The following SGCA variants were observed in gnomAD, a reference collection of about 807,000 sequenced individuals.
SGCA encodes the protein sarcoglycan alpha.
Under a neutral mutation model 38.1 loss-of-function variants are expected in SGCA, and 34 were observed. The observed-to-expected ratio is 0.89, with a 90% CI of 0.68 to 1.19. The LOEUF (loss-of-function observed/expected upper bound fraction) is 1.19. Ranked by LOEUF, SGCA falls within the 50% of genes most tolerant of loss-of-function variation. The probability of loss-of-function intolerance (pLI) is 0.00; values close to 1 mark genes in which losing one functional copy is unlikely to be tolerated. For missense variants in SGCA, 476 were observed against 524.9 expected (o/e 0.91, Z 0.91); for synonymous variants, 209 against 214.6 (o/e 0.97, Z 0.23).
At chr17:50,169,936 G>A (rs1905237068) in intron 6 of SGCA, 8 of 630,324 alleles carry the variant, frequency 1.3e-5, no homozygotes, top group Non-Finnish European at 2.3e-5. Context: ...ATGAAACAGA[G>A]GCACATAATC....
intron 8 of SGCA, chr17:50,171,333 C>G: frequency 2.8e-6 from 1 of 356,662 alleles, no homozygotes; most frequent in South Asian, 2.1e-5. Context: ...CTTATTTTGG[C>G]CTGGTTTCCC....
intron 8 of SGCA, chr17:50,171,409 A>G (rs1416993512): frequency 4.7e-6 from 2 of 425,970 alleles, no homozygotes; most frequent in Non-Finnish European, 4.7e-6. Context: ...CCTGAACCCT[A>G]GATTCCAGGA....
At chr17:50,174,761 T>C (rs2440124) in intron 8 of SGCA, among the ~76,000 whole-genome samples, 151,970 of 152,288 alleles carry the variant, frequency 1, 75,826 homozygotes, top group Middle Eastern at 1. Context: ...ACCCACAGCC[T>C]ATGTCTTGAC....
rs1249947775 is a variant in SGCA at position 50,167,775 on chromosome 17, C to T, written c.312+39C>T. 2 of 1,599,128 alleles carry T rather than the reference C, an allele frequency of 1.3e-6. No individual in the cohort carries two copies. The highest frequency in any genetic ancestry group is 1.7e-5 in the Admixed American group (1 of 58,472). ...CCCTGAGAAAATCACAGGGGTGGGC[C>T]AGAGTGGCCTCCTAGGAGCAGCCCT... is the stretch of plus-strand genomic sequence containing the variant. On this transcript the variant is annotated intron_variant, in intron 3 of 9. Coordinates refer to ENST00000262018, the MANE Select transcript of SGCA (RefSeq NM_000023.4). This position sits in a 1 kb window ranked among gnomAD's most constrained non-coding sequence, Gnocchi z 4.5.
Position 50,167,872 on chromosome 17 carries a change from TCCTCTCCTGCCAGGCCC to T in SGCA, c.313-72_313-56del. On this transcript the variant is annotated intron_variant, in intron 3 of 9. Coordinates refer to ENST00000262018, the MANE Select transcript of SGCA (RefSeq NM_000023.4). The surrounding 1 kb of genome is among the most constrained non-coding windows in gnomAD (Gnocchi z 4.5). The stretch of plus-strand genomic sequence containing the variant: ...ACATACCTCTAATTTGGTATCTGAG[TCCTCTCCTGCCAGGCCC>T]CCGCTGTGCCACGTTTCTCCCCTAA... 4 of 1,536,368 alleles carry T rather than the reference TCCTCTCCTGCCAGGCCC, an allele frequency of 2.6e-6. No homozygotes were observed. Among genetic ancestry groups the T allele is most frequent in the Non-Finnish European group, 2.7e-6 (3 of 1,109,326 alleles).
intron 8 of SGCA, 99 bp from the exon 9 acceptor site, chr17:50,175,158 A>C: frequency 9.4e-7 from 1 of 1,062,440 alleles, no homozygotes; most frequent in Non-Finnish European, 1.4e-6. Flanking sequence ...TCCCCACATA[A>C]GTGGTGGGGA....
intron 8 of SGCA, chr17:50,171,659 T>C: frequency 2.2e-6 from 1 of 456,822 alleles, no homozygotes; most frequent in Non-Finnish European, 4.4e-6. Context: ...ACCTTGAGCT[T>C]GGACTTGGAG....
In SGCA at chr17:50,167,998, C is replaced by T. The variant is rs1567739857; in HGVS notation, c.364C>T (p.Leu122=). The T allele has an allele frequency of 6.2e-7, 1 of 1,613,986 alleles. No individual in the cohort carries two copies. The highest frequency in any genetic ancestry group is 8.5e-7 in the Non-Finnish European group (1 of 1,179,964). ...SFDTTRQRLV[L]EIGDPEGPLL... is the part of the protein sequence containing the mutation. ...TGATACCACTCGGCAGAGGCTGGTG[C>T]TGGAGATTGGGGACCCAGAAGGTAC... The change falls in exon 4 of 10, where the codon CTG becomes TTG. Residue 122 remains leucine (L), a synonymous_variant. Transcript: ENST00000262018. This position sits in a 1 kb window ranked among gnomAD's most constrained non-coding sequence, Gnocchi z 4.5.
chr17:50,175,126 C>T, intron 8 of SGCA, 131 bp from the exon 9 acceptor site: 1 of 869,900 alleles, frequency 1.1e-6, no homozygotes, highest in Non-Finnish European at 1.9e-6. Flanking sequence ...TTTTCTGCCC[C>T]TGCATCATGT....
At position 50,171,026 on chromosome 17, in the gene SGCA, G is replaced by A. The variant is rs148798182; in HGVS notation, c.983+360G>A. Reference sequence around the variant, plus strand: ...CTGCAGTGAGCCGTAATCGTGCCACGGCACTCCAGCCTGGGCGACAGAGTG... The same window carrying A: ...CTGCAGTGAGCCGTAATCGTGCCACAGCACTCCAGCCTGGGCGACAGAGTG... On this transcript the variant is annotated intron_variant, in intron 8 of 9. Coordinates refer to ENST00000262018, the MANE Select transcript of SGCA (RefSeq NM_000023.4). Among the ~76,000 whole-genome samples the A allele has an allele frequency of 4.2e-3, 635 of 152,270 alleles. 5 individuals carry two copies. Among genetic ancestry groups the A allele is most frequent in the African/African-American group, 0.014 (589 of 41,556 alleles).
chr17:50,170,098 G>A, intron 6 of SGCA, 45 bp from the exon 7 acceptor site: 1 of 1,563,150 alleles, frequency 6.4e-7, no homozygotes, highest in Non-Finnish European at 8.8e-7. Context: ...GGACCTCTGT[G>A]TCCAGCCAGC....
chr17:50,169,414 TACACACACAC>T (rs3138607), intron 6 of SGCA, 160 bp downstream of exon 6: 6 of 481,354 alleles, frequency 1.2e-5, no homozygotes, highest in South Asian at 2.7e-5. Flanking sequence ...AGTCTGAGGA[TACACACACAC>T]ACACACACAC....
At chr17:50,170,386 C>G (rs748652852) in intron 7 of SGCA, 35 bp downstream of exon 7, 108 of 1,581,828 alleles carry the variant, frequency 6.8e-5, no homozygotes, top group Non-Finnish European at 9.1e-5. Flanking sequence ...GGAGCACCTG[C>G]TGGAGCTCAC....
At position 50,166,759 on chromosome 17, in the gene SGCA, T is replaced by TCA. The variant is rs1211673013; in HGVS notation, c.38-599_38-598dup. 1.1e-4 allele frequency among the ~76,000 whole-genome samples: 4 copies of TCA among 37,454 alleles called. No individual in the cohort carries two copies. The East Asian group carries it at 4.1e-3, about 38-fold the overall frequency. 24.6% of individuals were successfully genotyped at this position (37,454 alleles called of 152,430 possible). ...CACCCTCACACACCCTCACACACCC[T>TCA]CACACACACACCCTCACACACCCTC... On this transcript the variant is annotated intron_variant, in intron 1 of 9. Coordinates refer to ENST00000262018, the MANE Select transcript of SGCA (RefSeq NM_000023.4).
In SGCA at chr17:50,168,446, C is replaced by T; in HGVS notation, c.458C>T (p.Pro153Leu). ...HDAEEVLPST[P>L]ASRFLSALGG... ...GCGGAGGAGGTGCTGCCCTCAACAC[C>T]TGCCAGCCGCTTCCTCTCAGCCTTG... Residue 153 changes from proline (P) to leucine (L), a missense_variant, in exon 5 of 10, where the codon CCT becomes CTT. Coordinates refer to ENST00000262018, the MANE Select transcript of SGCA (RefSeq NM_000023.4). The T allele has an allele frequency of 6.3e-7, 1 of 1,587,964 alleles. No homozygotes were observed. The highest frequency in any genetic ancestry group is 8.6e-7 in the Non-Finnish European group (1 of 1,167,042).
At chr17:50,173,761 C>T (rs1905676626) in intron 8 of SGCA, among the ~76,000 whole-genome samples, 1 of 152,188 alleles carries the variant, frequency 6.6e-6, no homozygotes, top group African/African-American at 2.4e-5. Flanking sequence ...GAATTCCAGA[C>T]TCAAGAGCTC....
chr17:50,170,240 C>T lies in SGCA; in HGVS notation c.845C>T (p.Pro282Leu), dbSNP rs1200132349. The T allele has an allele frequency of 6.2e-7, 1 of 1,614,102 alleles. No homozygotes were observed. The highest frequency in any genetic ancestry group is 2.2e-5 in the East Asian group (1 of 44,896). ...DPFFCPPTEA[P>L]DRDFLVDALV... is the part of the protein sequence containing the mutation. ...TTCTTCTGCCCACCCACTGAGGCCC[C>T]AGACCGTGACTTCTTGGTGGATGCT... is the stretch of plus-strand genomic sequence containing the variant. The change falls in exon 7 of 10, where the codon CCA (proline) becomes CTA (leucine). Residue 282 changes from proline to leucine, a missense_variant. Pro to Leu is a moderately conservative substitution (Grantham distance 98, BLOSUM62 -3). Coordinates refer to ENST00000262018, the MANE Select transcript of SGCA (RefSeq NM_000023.4).
chr17:50,169,163 A>C lies in SGCA; in HGVS notation c.656A>C (p.His219Pro), dbSNP rs1477008390. Residue 219 changes from histidine (H) to proline (P), a missense_variant, in exon 6 of 10, where the codon CAC becomes CCC. His to Pro is a moderately conservative substitution (Grantham distance 77). Coordinates refer to ENST00000262018, the MANE Select transcript of SGCA (RefSeq NM_000023.4). Reference protein sequence around the residue: ...CLKMVASPDSHARCAQGQPPL... With the variant: ...CLKMVASPDSPARCAQGQPPL... ...AAGATGGTGGCATCCCCCGATAGCCACGCCCGCTGTGCCCAGGGCCAGCCT... is the reference window on the plus strand; with the variant it reads ...AAGATGGTGGCATCCCCCGATAGCCCCGCCCGCTGTGCCCAGGGCCAGCCT... The C allele has an allele frequency of 1.2e-6, 2 of 1,613,816 alleles. No individual in the cohort carries two copies. The highest frequency in any genetic ancestry group is 1.7e-6 in the Non-Finnish European group (2 of 1,179,974).
At position 50,167,795 on chromosome 17, in the gene SGCA, A is replaced by G; in HGVS notation, c.312+59A>G. 1 of 1,589,442 alleles carries G rather than the reference A, an allele frequency of 6.3e-7. No homozygotes were observed. Among genetic ancestry groups the G allele is most frequent in the East Asian group, 2.2e-5 (1 of 44,542 alleles). On this transcript the variant is annotated intron_variant, in intron 3 of 9. Transcript: ENST00000262018. This position sits in a 1 kb window ranked among gnomAD's most constrained non-coding sequence, Gnocchi z 4.5. ...TGGGCCAGAGTGGCCTCCTAGGAGC[A>G]GCCCTATGAATTGGGATTGGGTGCT...
Sources: gnomAD v4.1 joint callset for allele counts (sites outside exome capture counted in the v4.1 genomes callset) on GRCh38, gnomAD v4.1.1 for gene constraint, Gnocchi (gnomAD v3.1) non-coding constraint, MANE v1.5 for transcripts, NCBI Gene and HGNC (gene_info 2026-07-23, HGNC 2026-07-21) for gene names.